The following GPR161 variants were observed in gnomAD, a reference collection of about 807,000 sequenced individuals.
GPR161 encodes the protein G-protein coupled receptor RE2.
GPR161 carries 25 observed loss-of-function variants against 39.2 expected under a neutral mutation model. The ratio of observed to expected loss-of-function variants is 0.64; its 90% CI spans 0.47 to 0.89. GPR161 has a LOEUF of 0.89. GPR161 is among the 40% of genes least tolerant of loss of function. The probability of loss-of-function intolerance (pLI) is 0.00; values close to 1 mark genes in which losing one functional copy is unlikely to be tolerated. For synonymous variants in GPR161, 286 were observed against 276.6 expected (o/e 1.03, Z -0.34); for missense variants, 547 against 677.8 (o/e 0.81, Z 2.14).
chr1:168,136,343 A>AG lies in GPR161; in HGVS notation c.-45+395dup, dbSNP rs200664972. The AG allele has an allele frequency of 0.039, 58,013 of 1,477,038 alleles. 1,281 individuals carry two copies. The highest frequency in any genetic ancestry group is 0.053 in the Middle Eastern group (307 of 5,828). The allele number at this position is 1,477,038 out of a possible 1,614,324, so 91.5% of individuals were successfully genotyped here. A position where few individuals can be genotyped will look rare whatever the true frequency, so the allele number is the denominator to read the frequency against. On this transcript the variant is annotated intron_variant, in intron 1 of 5. Transcript: ENST00000682931. ...GCGGGACGTGGAGTCTCTTGGCCCC[A>AG]GGGGGCGCGGCCCGCATCGGCAGAG... is the stretch of plus-strand genomic sequence containing the variant.
intron 3 of GPR161, among the ~76,000 whole-genome samples, chr1:168,094,889 G>C (rs1178781572): frequency 6.6e-6 from 1 of 152,210 alleles, no homozygotes; most frequent in East Asian, 1.9e-4. Context: ...AAGGGCCAAA[G>C]AGGAAACAGG....
chr1:168,090,563 C>T lies in GPR161; in HGVS notation c.1204+1G>A. On this transcript the variant is annotated splice_donor_variant, in intron 4 of 5. Coordinates refer to ENST00000682931, the MANE Select transcript of GPR161 (RefSeq NM_001375883.1). LOFTEE classifies it high-confidence loss of function. ...AGAGGCTTATAAAGCACGCAGGTTA[C>T]CTGAGTCCTGGGAGCAGCTGAAGCC... The T allele has an allele frequency of 6.4e-7, 1 of 1,572,440 alleles. No individual in the cohort carries two copies. The highest frequency in any genetic ancestry group is 8.8e-7 in the Non-Finnish European group (1 of 1,142,200).
chr1:168,136,312 C>T (rs868290532), intron 1 of GPR161: 4 of 1,483,624 alleles, frequency 2.7e-6, no homozygotes, highest in Admixed American at 2.2e-5. Context: ...ACACCCTTTG[C>T]CCTGAGCGGG....
intron 3 of GPR161, among the ~76,000 whole-genome samples, chr1:168,093,365 G>A (rs1466822509): frequency 2.0e-5 from 3 of 152,160 alleles, no homozygotes; most frequent in Non-Finnish European, 4.4e-5. Flanking sequence ...AACAGAATGA[G>A]AGAAGCAGAA....
At chr1:168,132,679 T>C (rs981003752) in intron 1 of GPR161, among the ~76,000 whole-genome samples, 1 of 152,232 alleles carries the variant, frequency 6.6e-6, no homozygotes, top group East Asian at 1.9e-4. Flanking sequence ...TAATATGCTA[T>C]CATATTTATT....
rs915382345 is a variant in GPR161 at position 168,082,604 on chromosome 1, CAATG to C, written c.*2923_*2926del. The C allele has an allele frequency of 6.6e-6, 1 of 152,258 alleles. No homozygotes were observed. Among genetic ancestry groups the C allele is most frequent in the African/African-American group, 2.4e-5 (1 of 41,452 alleles). The allele number at this position is 152,258 out of a possible 1,614,324, so 9.4% of individuals were successfully genotyped here. ...CAGGGACCCAATAAGGCGGAAATCT[CAATG>C]AAAGAGGCAGAGGTGGGCAGCAGTC... On this transcript the variant is annotated 3_prime_UTR_variant, in exon 6 of 6. Coordinates refer to ENST00000682931, the MANE Select transcript of GPR161 (RefSeq NM_001375883.1).
Position 168,104,809 on chromosome 1 carries a change from A to C in GPR161, c.42T>G (p.Ser14Arg). 1 of 1,613,464 alleles carries C rather than the reference A, an allele frequency of 6.2e-7. No homozygotes were observed. Residue 14 changes from serine (S) to arginine (R), a missense_variant, in exon 2 of 6, where the codon AGT (serine) becomes AGG (arginine). Physicochemically the swap from Ser to Arg is moderately radical, Grantham distance 110 (BLOSUM62 -1). Coordinates refer to ENST00000682931, the MANE Select transcript of GPR161 (RefSeq NM_001375883.1). ...CGCCACCCTCCTCCTCAGTGAGATT[A>C]CTCAGCTCCTTCCTGCAGCTGAGGG... ...NSSLSCRKEL[S>R]NLTEEEGGEG... is the part of the protein sequence containing the mutation.
intron 1 of GPR161, among the ~76,000 whole-genome samples, chr1:168,105,756 T>C (rs938886473): frequency 3.3e-5 from 5 of 152,186 alleles, no homozygotes; most frequent in Non-Finnish European, 7.4e-5. Context: ...GGTTGACACA[T>C]GTTAATGTTA....
At chr1:168,123,227 C>T (rs1277692941) in intron 1 of GPR161, among the ~76,000 whole-genome samples, 1 of 152,180 alleles carries the variant, frequency 6.6e-6, no homozygotes, top group Non-Finnish European at 1.5e-5. Flanking sequence ...AGGAAAATTG[C>T]TTGATCTCAG....
At chr1:168,115,838 C>T (rs937155070) in intron 1 of GPR161, among the ~76,000 whole-genome samples, 12 of 151,692 alleles carry the variant, frequency 7.9e-5, no homozygotes, top group Admixed American at 2.6e-4. Context: ...TGCAGTGGCG[C>T]GATCTCGGCT....
intron 1 of GPR161, among the ~76,000 whole-genome samples, chr1:168,113,944 A>G (rs1697422031): frequency 6.6e-6 from 1 of 152,200 alleles, no homozygotes; most frequent in Non-Finnish European, 1.5e-5. Context: ...TTACCTATAT[A>G]ACAAACCTGC....
chr1:168,080,441 C>G lies in GPR161; in HGVS notation c.*5090G>C, dbSNP rs1399414955. The stretch of plus-strand genomic sequence containing the variant: ...TGTCCCCTCTCCCAACCCACAAGGA[C>G]AGTATGGCTCTGCTCCTTCTTATAG... On this transcript the variant is annotated 3_prime_UTR_variant, in exon 6 of 6. Coordinates refer to ENST00000682931, the MANE Select transcript of GPR161 (RefSeq NM_001375883.1). 3 of 152,286 alleles carry G rather than the reference C, an allele frequency of 2.0e-5. No homozygotes were observed. The highest frequency in any genetic ancestry group is 1.3e-4 in the Admixed American group (2 of 15,284). 9.4% of individuals were successfully genotyped at this position (152,286 alleles called of 1,614,324 possible). A position where few individuals can be genotyped will look rare whatever the true frequency, so the allele number is the denominator to read the frequency against.
At chr1:168,136,648 C>A (rs1432055564) in intron 1 of GPR161, 91 bp downstream of exon 1, 1 of 1,205,652 alleles carries the variant, frequency 8.3e-7, no homozygotes, top group Non-Finnish European at 1.0e-6. Flanking sequence ...GCGCCCTGAG[C>A]CCTCAGCCTC....
intron 1 of GPR161, among the ~76,000 whole-genome samples, chr1:168,110,536 AG>A (rs1697042040): frequency 1.3e-5 from 1 of 77,708 alleles, no homozygotes; most frequent in Non-Finnish European, 2.2e-5. Context: ...AAGAAAGGAA[AG>A]GAAAGAAAAG....
rs1442620875 is a variant in GPR161 at position 168,087,568 on chromosome 1, C to A, written c.1324+17G>T. The stretch of plus-strand genomic sequence containing the variant: ...TTTCCCTATGTTTTCTTGAAGCAAT[C>A]AGTCACAGAAGCCAACCTTTGATTT... On this transcript the variant is annotated intron_variant, in intron 5 of 5. Transcript: ENST00000682931. The A allele has an allele frequency of 3.1e-6, 5 of 1,613,680 alleles. No homozygotes were observed. The African/African-American group carries it at 5.3e-5, about 17-fold the overall frequency.
intron 1 of GPR161, among the ~76,000 whole-genome samples, chr1:168,120,166 T>C (rs1048840402): frequency 6.6e-6 from 1 of 152,330 alleles, no homozygotes; most frequent in African/African-American, 2.4e-5. Context: ...ACAGAGGCTG[T>C]ACCCTGAAGA....
chr1:168,119,203 T>TATATATACAC lies in GPR161; in HGVS notation c.-44-14310_-44-14309insGTGTATATAT, dbSNP rs1553269051. Among the ~76,000 whole-genome samples, 5 of 103,532 alleles carry TATATATACAC rather than the reference T, an allele frequency of 4.8e-5. 1 individual carries two copies. Among genetic ancestry groups the TATATATACAC allele is most frequent in the African/African-American group, 2.2e-4 (5 of 22,648 alleles). 67.9% of individuals were successfully genotyped at this position (103,532 alleles called of 152,430 possible). ...GCAACCCAAATCTCCATCATATATA[T>TATATATACAC]ATATATGTATACATATATATATACG... On this transcript the variant is annotated intron_variant, in intron 1 of 5. Coordinates refer to ENST00000682931, the MANE Select transcript of GPR161 (RefSeq NM_001375883.1).
rs781504641 is a variant in GPR161 at position 168,104,496 on chromosome 1, C to T, written c.355G>A (p.Gly119Arg). ...LISSASMLTL[G>R]VIAIDRYYAV... ...GCTTACCGGTCGATGGCAATGACCC[C>T]GAGGGTTAGCATGCTGGCAGAGCTG... The change falls in exon 2 of 6, where the codon GGG becomes AGG. Residue 119 changes from glycine (G) to arginine (R), a missense_variant. Coordinates refer to ENST00000682931, the MANE Select transcript of GPR161 (RefSeq NM_001375883.1). 5.0e-6 allele frequency: 8 copies of T among 1,613,550 alleles called. No homozygotes were observed. The highest frequency in any genetic ancestry group is 2.2e-5 in the East Asian group (1 of 44,864).
Position 168,112,738 on chromosome 1 carries a change from T to C in GPR161, c.-44-7844A>G, listed in dbSNP as rs944069158. ...CAGGAGTGGTGGCGGGTGCCTGTAA[T>C]CCCAGGTACTCAGGAGGCTGAGGCA... On this transcript the variant is annotated intron_variant, in intron 1 of 5. Coordinates refer to ENST00000682931, the MANE Select transcript of GPR161 (RefSeq NM_001375883.1). Among the ~76,000 whole-genome samples, 16 of 151,856 alleles carry C rather than the reference T, an allele frequency of 1.1e-4. No homozygotes were observed. The East Asian group carries it at 1.8e-3, about 17-fold the overall frequency.
Sources: gnomAD v4.1 joint callset for allele counts (sites outside exome capture counted in the v4.1 genomes callset) on GRCh38, gnomAD v4.1.1 for gene constraint, MANE v1.5 for transcripts, NCBI Gene and HGNC (gene_info 2026-07-23, HGNC 2026-07-21) for gene names.